Variants in TPST1 observed in about 807,000 individuals in gnomAD.
The protein encoded by TPST1 is protein-tyrosine sulfotransferase 1.
Under a neutral mutation model 34.8 loss-of-function variants are expected in TPST1, and 20 were observed. The ratio of observed to expected loss-of-function variants is 0.57; its 90% CI spans 0.40 to 0.84. The LOEUF (loss-of-function observed/expected upper bound fraction) is 0.84. Ranked by LOEUF, TPST1 falls within the 40% of genes least tolerant of loss-of-function variation. The pLI, the probability that TPST1 is intolerant of heterozygous loss-of-function variation, is 0.00. For synonymous variants in TPST1, 152 were observed against 159.4 expected (o/e 0.95, Z 0.35); for missense variants, 353 against 455.5 (o/e 0.78, Z 2.05).
chr7:66,338,952 G>A (rs185722127), intron 3 of TPST1, among the ~76,000 whole-genome samples: 1 of 151,938 alleles, frequency 6.6e-6, no homozygotes, highest in Non-Finnish European at 1.5e-5. Flanking sequence ...GTGAAAAAAG[G>A]CATCTAAAAA....
intron 3 of TPST1, among the ~76,000 whole-genome samples, chr7:66,306,574 C>G (rs948492142): frequency 6.6e-6 from 1 of 152,164 alleles, no homozygotes; most frequent in African/African-American, 2.4e-5. Flanking sequence ...GTCCCACCCT[C>G]AAGGAAAAAC....
At chr7:66,348,375 A>G (rs762878235) in intron 3 of TPST1, among the ~76,000 whole-genome samples, 1 of 152,232 alleles carries the variant, frequency 6.6e-6, no homozygotes, top group Non-Finnish European at 1.5e-5. Context: ...CAGTTGCTTC[A>G]TCTGTTAAAA....
intron 2 of TPST1, among the ~76,000 whole-genome samples, chr7:66,272,587 CTTTTTTT>C (rs555211164): frequency 7.4e-6 from 1 of 135,884 alleles, no homozygotes; most frequent in Non-Finnish European, 1.6e-5. Flanking sequence ...CACCCCAATT[CTTTTTTT>C]TTTTTTTTTT....
upstream of TPST1, among the ~76,000 whole-genome samples, chr7:66,204,241 T>C (rs1302148570): frequency 6.6e-6 from 1 of 152,146 alleles, no homozygotes; most frequent in Admixed American, 6.5e-5. Flanking sequence ...GAAGTGCCGA[T>C]ACATGCTACA....
chr7:66,200,830 G>A (rs577381546), upstream of TPST1, among the ~76,000 whole-genome samples: 1 of 150,556 alleles, frequency 6.6e-6, no homozygotes, highest in Non-Finnish European at 1.5e-5. Flanking sequence ...GAGTTCAAGC[G>A]ATTCTCCTGC....
At chr7:66,273,961 C>A (rs1186658587) in intron 2 of TPST1, among the ~76,000 whole-genome samples, 1 of 152,014 alleles carries the variant, frequency 6.6e-6, no homozygotes, top group African/African-American at 2.4e-5. Flanking sequence ...TGCCACCATG[C>A]CCAACTAATT....
chr7:66,324,880 C>T (rs914237654), intron 3 of TPST1, among the ~76,000 whole-genome samples: 3 of 150,154 alleles, frequency 2.0e-5, no homozygotes, highest in African/African-American at 4.9e-5. Context: ...AATGTTCTTC[C>T]AGGCAAAAAA....
chr7:66,210,506 T>C (rs1314052303), intron 1 of TPST1, among the ~76,000 whole-genome samples: 1 of 152,176 alleles, frequency 6.6e-6, no homozygotes, highest in Non-Finnish European at 1.5e-5. Flanking sequence ...GATCGAGGCA[T>C]CCACAGGGAT....
At chr7:66,219,565 T>G (rs1789497254) in intron 1 of TPST1, among the ~76,000 whole-genome samples, 1 of 152,236 alleles carries the variant, frequency 6.6e-6, no homozygotes, top group Admixed American at 6.5e-5. Context: ...ATAGTTTTCT[T>G]CTGTCATTCT....
chr7:66,201,045 T>C (rs1462304619), upstream of TPST1, among the ~76,000 whole-genome samples: 1 of 152,006 alleles, frequency 6.6e-6, no homozygotes, highest in Non-Finnish European at 1.5e-5. Flanking sequence ...TCTGGTGAGG[T>C]GATCTAATTC....
intron 2 of TPST1, among the ~76,000 whole-genome samples, chr7:66,261,232 C>CTTTT (rs36114007): frequency 1.6e-5 from 2 of 126,706 alleles, no homozygotes; most frequent in Non-Finnish European, 3.3e-5. Context: ...CGTATATTGT[C>CTTTT]TTTTTTTTTT....
chr7:66,240,356 A>G lies in TPST1; in HGVS notation c.-70A>G. 7 of 1,542,806 alleles carry G rather than the reference A, an allele frequency of 4.5e-6. No individual in the cohort carries two copies. The highest frequency in any genetic ancestry group is 3.8e-5 in the South Asian group (3 of 78,442). On this transcript the variant is annotated 5_prime_UTR_variant, in exon 2 of 6. It removes an upstream start codon present in the reference 5' UTR. Transcript: ENST00000304842. ...GTTATCTTTCTGAAGTAGACTGTCC[A>G]TGGCCTGAACATTTTCCGAAAATCA...
chr7:66,308,859 G>A (rs373485729), intron 3 of TPST1, among the ~76,000 whole-genome samples: 5 of 152,104 alleles, frequency 3.3e-5, no homozygotes, highest in Admixed American at 6.5e-5. Flanking sequence ...TCAGTCATAC[G>A]TATTAAATAC....
chr7:66,292,790 A>C, intron 3 of TPST1, among the ~76,000 whole-genome samples: 1 of 149,722 alleles, frequency 6.7e-6, no homozygotes, highest in Non-Finnish European at 1.5e-5. Context: ...CCGGTACCTC[A>C]GATGGAAATG....
intron 3 of TPST1, among the ~76,000 whole-genome samples, chr7:66,341,784 T>G (rs1792244057): frequency 6.6e-6 from 1 of 152,038 alleles, no homozygotes; most frequent in Non-Finnish European, 1.5e-5. Flanking sequence ...ACAAAAACAA[T>G]GTAATAAGCA....
At chr7:66,230,236 G>A (rs1789748813) in intron 1 of TPST1, among the ~76,000 whole-genome samples, 1 of 152,126 alleles carries the variant, frequency 6.6e-6, no homozygotes, top group African/African-American at 2.4e-5. Context: ...CCACCCTCCA[G>A]CTCCAGGCAA....
chr7:66,240,311 C>T lies in TPST1; in HGVS notation c.-101-14C>T. ...TCAATGTAATGATAAATAACCTTTT[C>T]CTTTCTCTACTAGATGTTGGTTATC... On this transcript the variant is annotated splice_polypyrimidine_tract_variant and intron_variant, in intron 1 of 5. Coordinates refer to ENST00000304842, the MANE Select transcript of TPST1 (RefSeq NM_003596.4). 4.7e-6 allele frequency: 6 copies of T among 1,283,956 alleles called. 1 individual carries two copies. In the South Asian group the frequency reaches 9.4e-5, roughly 20 times the overall value. The allele number at this position is 1,283,956 out of a possible 1,614,324, so 79.5% of individuals were successfully genotyped here.
intron 3 of TPST1, among the ~76,000 whole-genome samples, chr7:66,302,411 C>T (rs1791334986): frequency 6.6e-6 from 1 of 152,200 alleles, no homozygotes; most frequent in African/African-American, 2.4e-5. Context: ...AAGCACCACA[C>T]AGCATTGGGA....
intron 2 of TPST1, among the ~76,000 whole-genome samples, chr7:66,272,763 A>G (rs1360767716): frequency 6.6e-6 from 1 of 151,628 alleles, no homozygotes; most frequent in Non-Finnish European, 1.5e-5. Flanking sequence ...ATTTTTGTAT[A>G]TTTTATAGAG....
Sources: gnomAD v4.1 joint callset for allele counts (sites outside exome capture counted in the v4.1 genomes callset) on GRCh38, gnomAD v4.1.1 for gene constraint, MANE v1.5 for transcripts, NCBI Gene and HGNC (gene_info 2026-07-23, HGNC 2026-07-21) for gene names.